TTC28: variants seen among roughly 807,000 people sequenced by gnomAD.
TTC28 encodes tetratricopeptide repeat domain 28, also known as tetratricopeptide repeat protein 28.
Under a neutral mutation model 198.0 loss-of-function variants are expected in TTC28, and 61 were observed. The ratio of observed to expected loss-of-function variants is 0.31; its 90% confidence interval spans 0.25 to 0.38. The LOEUF (loss-of-function observed/expected upper bound fraction) is 0.38, where lower values mean the gene tolerates loss of function less well. TTC28 is among the 10% of genes least tolerant of loss of function. The probability of loss-of-function intolerance (pLI) is 1.00; values close to 1 mark genes in which losing one functional copy is unlikely to be tolerated. For synonymous variants in TTC28, 1,171 were observed against 1,297.8 expected, an observed-to-expected ratio of 0.90 and a Z score of 2.10; for missense variants, 2,678 against 3,164.0, an observed-to-expected ratio of 0.85 and a Z score of 3.69.
At chr22:28,574,339 T>G (rs894682616) in intron 2 of TTC28, among the ~76,000 whole-genome samples, 4 of 151,908 alleles carry the variant, frequency 2.6e-5, no homozygotes, top group African/African-American at 7.3e-5. Flanking sequence ...TGTGGCCGAA[T>G]AGTACTCCAC....
intron 1 of TTC28, among the ~76,000 whole-genome samples, chr22:28,636,224 C>A (rs2051269536): frequency 7.9e-6 from 1 of 126,876 alleles, no homozygotes; most frequent in South Asian, 2.7e-4. Context: ...TTCCTGGGTT[C>A]ATGCTATTCT....
Position 27,982,970 on chromosome 22 carries a change from G to A in TTC28, c.6697C>T (p.Pro2233Ser), listed in dbSNP as rs1271457554. The A allele has an allele frequency of 2.6e-6, 4 of 1,551,588 alleles. No individual in the cohort carries two copies. Among genetic ancestry groups the A allele is most frequent in the African/African-American group, 2.7e-5 (2 of 73,052 alleles). Reference protein sequence around the residue: ...KSQPSPVTVKPKPPARSSSLP... With the variant: ...KSQPSPVTVKSKPPARSSSLP... Reference sequence around the variant, plus strand: ...GAGGAGCTCCTGGCTGGGGGCTTTGGTTTAACAGTGACTGGTGATGGCTGA... The same window carrying A: ...GAGGAGCTCCTGGCTGGGGGCTTTGATTTAACAGTGACTGGTGATGGCTGA... The change falls in exon 23 of 23, where the codon CCA becomes TCA. Residue 2233 changes from proline to serine, a missense_variant. Around this residue, in one of 8 missense-constraint regions of TTC28, gnomAD observed 622 missense variants for 656.0 expected, o/e 0.95. Coordinates refer to ENST00000397906, the MANE Select transcript of TTC28 (RefSeq NM_001145418.2). This position sits in a 1 kb window ranked among gnomAD's most constrained non-coding sequence, Gnocchi z 5.2.
chr22:28,168,517 G>A (rs1217490360), intron 5 of TTC28, among the ~76,000 whole-genome samples: 10 of 152,020 alleles, frequency 6.6e-5, no homozygotes, highest in East Asian at 3.9e-4. Flanking sequence ...AAATAATGCC[G>A]CATATCTACA....
chr22:28,513,957 C>T (rs534483498), intron 2 of TTC28, among the ~76,000 whole-genome samples: 1 of 152,090 alleles, frequency 6.6e-6, no homozygotes, highest in South Asian at 2.1e-4. Context: ...TAAAATCATA[C>T]TGTTATAACA....
At chr22:28,087,403 A>C (rs1601604590) in intron 12 of TTC28, among the ~76,000 whole-genome samples, 1 of 152,292 alleles carries the variant, frequency 6.6e-6, no homozygotes, top group South Asian at 2.1e-4. Flanking sequence ...AGAACCAAAG[A>C]CAAAAACCAC....
chr22:28,447,463 A>G (rs1393377992), intron 2 of TTC28, among the ~76,000 whole-genome samples: 1 of 152,250 alleles, frequency 6.6e-6, no homozygotes, highest in Non-Finnish European at 1.5e-5. Flanking sequence ...ACCTGCCTAT[A>G]GGGCTAAATT....
At chr22:28,165,822 A>G (rs953462373) in intron 5 of TTC28, among the ~76,000 whole-genome samples, 1 of 152,228 alleles carries the variant, frequency 6.6e-6, no homozygotes, top group East Asian at 1.9e-4. Flanking sequence ...AAATTCACAC[A>G]TAACAATATG....
At chr22:28,201,751 CAAAAAAAA>C (rs34790960) in intron 5 of TTC28, among the ~76,000 whole-genome samples, 1 of 81,010 alleles carries the variant, frequency 1.2e-5, no homozygotes, top group East Asian at 3.5e-4. Context: ...TTACAGAAAG[CAAAAAAAA>C]AAAAAAAAAA....
At chr22:28,616,977 T>C (rs1013318982) in intron 2 of TTC28, among the ~76,000 whole-genome samples, 2 of 152,158 alleles carry the variant, frequency 1.3e-5, no homozygotes, top group Non-Finnish European at 2.9e-5. Flanking sequence ...CACTATGAAA[T>C]CCTCCTTTAT....
intron 2 of TTC28, among the ~76,000 whole-genome samples, chr22:28,619,635 T>A (rs1391945336): frequency 6.6e-6 from 1 of 152,222 alleles, no homozygotes; most frequent in Non-Finnish European, 1.5e-5. Flanking sequence ...ATGTGTATTA[T>A]GCAAAAATTA....
rs1569093105 is a variant in TTC28, at chr22:28,030,224, A to G, written c.4073+2T>C. 6.4e-7 allele frequency: 1 copy of G among 1,551,430 alleles called. No homozygotes were observed. The highest frequency in any genetic ancestry group is 2.4e-5 in the East Asian group (1 of 40,928). ...GGCCTGGGGAAAGCGCCCCACACTC[A>G]CCTGTTAAACAGGTTATTGCGGCGA... On this transcript the variant is annotated splice_donor_variant, in intron 13 of 22. Transcript: ENST00000397906. LOFTEE classifies it high-confidence loss of function.
At chr22:28,563,846 T>C (rs1569027997) in intron 2 of TTC28, among the ~76,000 whole-genome samples, 1 of 152,196 alleles carries the variant, frequency 6.6e-6, no homozygotes, top group Non-Finnish European at 1.5e-5. Flanking sequence ...ACATACATGT[T>C]CGTGACAGCA....
At chr22:28,317,025 T>TG (rs1373718224) in intron 2 of TTC28, among the ~76,000 whole-genome samples, 1 of 152,096 alleles carries the variant, frequency 6.6e-6, no homozygotes, top group African/African-American at 2.4e-5. Flanking sequence ...CCTCCTGCCT[T>TG]GGCCTCCTAA....
At chr22:28,613,704 T>C (rs757919567) in intron 2 of TTC28, among the ~76,000 whole-genome samples, 1 of 152,200 alleles carries the variant, frequency 6.6e-6, no homozygotes, top group Non-Finnish European at 1.5e-5. Context: ...CACATGATTA[T>C]CTCAATAGAT....
chr22:28,528,058 C>A (rs545232137), intron 2 of TTC28, among the ~76,000 whole-genome samples: 2 of 152,306 alleles, frequency 1.3e-5, no homozygotes, highest in South Asian at 4.1e-4. Flanking sequence ...ATCCTAATTA[C>A]AACATATGAA....
chr22:28,517,294 G>T (rs1175814829), intron 2 of TTC28, among the ~76,000 whole-genome samples: 1 of 152,124 alleles, frequency 6.6e-6, no homozygotes, highest in Non-Finnish European at 1.5e-5. Context: ...AGATAAAATT[G>T]TTAGAGCTAA....
In TTC28 at chr22:28,407,472, GCACA is replaced by G. The variant is rs61622821; in HGVS notation, c.382-100833_382-100830del. Among the ~76,000 whole-genome samples the G allele has an allele frequency of 4.8e-3, 709 of 148,728 alleles. 11 individuals carry two copies. The highest frequency in any genetic ancestry group is 0.041 in the East Asian group (208 of 5,072). On this transcript the variant is annotated intron_variant, in intron 2 of 22. Coordinates refer to ENST00000397906, the MANE Select transcript of TTC28 (RefSeq NM_001145418.2). Reference sequence around the variant, plus strand: ...TACACATATACACACACATGCGTGCGCACACACACACACACACACACACAGTAAT... The same window carrying G: ...TACACATATACACACACATGCGTGCGCACACACACACACACACACAGTAAT...
At chr22:28,022,760 G>A (rs1041501367) in intron 13 of TTC28, among the ~76,000 whole-genome samples, 6 of 152,332 alleles carry the variant, frequency 3.9e-5, no homozygotes, top group South Asian at 2.1e-4. Context: ...GTTTTAAGAC[G>A]TCAATGGAAA....
chr22:28,623,370 T>C (rs2051030429), intron 2 of TTC28, among the ~76,000 whole-genome samples: 1 of 152,172 alleles, frequency 6.6e-6, no homozygotes. Context: ...ATGTTAATAA[T>C]AGAGCTTCAA....
Sources: allele counts gnomAD v4.1 joint callset (sites outside exome capture counted in the v4.1 genomes callset), GRCh38; gene constraint gnomAD v4.1.1; regional missense constraint gnomAD v4.1.1; non-coding constraint Gnocchi (gnomAD v3.1); transcripts MANE v1.5; gene names NCBI Gene and HGNC (gene_info 2026-07-23, HGNC 2026-07-21).